PPTC7: variants seen among roughly 807,000 people sequenced by gnomAD.
PPTC7 encodes protein phosphatase targeting COQ7.
In PPTC7, 6 loss-of-function variants were observed where a neutral mutation model predicts 30.8. The observed-to-expected ratio is 0.19, with a 90% confidence interval of 0.11 to 0.38. The LOEUF (loss-of-function observed/expected upper bound fraction) is 0.38, where lower values mean the gene tolerates loss of function less well. PPTC7 is among the 10% of genes least tolerant of loss of function. The pLI, the probability that PPTC7 is intolerant of heterozygous loss-of-function variation, is 1.00. For synonymous variants in PPTC7, 163 were observed against 168.1 expected (o/e 0.97, Z 0.23); for missense variants, 218 against 404.8 (o/e 0.54, Z 3.96).
At chr12:110,573,702 C>A (rs1338505430) in intron 1 of PPTC7, among the ~76,000 whole-genome samples, 1 of 152,090 alleles carries the variant, frequency 6.6e-6, no homozygotes, top group African/African-American at 2.4e-5. Flanking sequence ...ACTACACAGG[C>A]CAGGCACGGT....
At chr12:110,582,738 G>A (rs1565931027) in intron 1 of PPTC7, 71 bp downstream of exon 1, 1 of 1,313,020 alleles carries the variant, frequency 7.6e-7, no homozygotes, top group Non-Finnish European at 1.0e-6. Flanking sequence ...AGGAACTGGG[G>A]AAGCCCCGCG....
chr12:110,583,286 G>T lies in PPTC7; in HGVS notation c.-255C>A. The T allele has an allele frequency of 5.8e-6, 1 of 171,020 alleles. No individual in the cohort carries two copies. Among genetic ancestry groups the T allele is most frequent in the South Asian group, 1.9e-4 (1 of 5,308 alleles). The allele number at this position is 171,020 out of a possible 1,614,324, so 10.6% of individuals were successfully genotyped here. On this transcript the variant is annotated 5_prime_UTR_variant, in exon 1 of 6. Transcript: ENST00000354300. Reference sequence around the variant, plus strand: ...AACTGAAGTCCCGGCTGCAGCGGCCGCCGCCGCCGCCGCCATCTTCCGCTC... The same window carrying T: ...AACTGAAGTCCCGGCTGCAGCGGCCTCCGCCGCCGCCGCCATCTTCCGCTC...
intron 1 of PPTC7, among the ~76,000 whole-genome samples, chr12:110,578,636 T>C (rs2135798805): frequency 6.6e-6 from 1 of 152,290 alleles, no homozygotes; most frequent in East Asian, 1.9e-4. Context: ...TTCATTCCAG[T>C]CAAGGAGTCC....
intron 1 of PPTC7, among the ~76,000 whole-genome samples, chr12:110,559,578 T>C (rs537222327): frequency 6.6e-6 from 1 of 151,560 alleles, no homozygotes; most frequent in African/African-American, 2.4e-5. Context: ...ATACAAAAAT[T>C]AGCTGGGTGT....
intron 5 of PPTC7, 85 bp downstream of exon 5, chr12:110,538,059 C>T: frequency 6.9e-7 from 1 of 1,446,036 alleles, no homozygotes; most frequent in Admixed American, 1.9e-5. Context: ...GACACCTCCA[C>T]AGTCTCACCC....
At chr12:110,548,750 T>C (rs1306395520) in intron 2 of PPTC7, among the ~76,000 whole-genome samples, 2 of 152,206 alleles carry the variant, frequency 1.3e-5, no homozygotes, top group African/African-American at 4.8e-5. Flanking sequence ...CCTGCGACAG[T>C]AACTCGCTGA....
rs79140709 is a variant in PPTC7 at position 110,560,778 on chromosome 12, A to C, written c.224-8810T>G. On this transcript the variant is annotated intron_variant, in intron 1 of 5. Transcript: ENST00000354300. ...AAAATGTATTTAATGTACACTCTGG[A>C]AGAATTTCAAATATTAAGTAGTATC... Among the ~76,000 whole-genome samples the C allele has an allele frequency of 6.9e-3, 1,044 of 152,350 alleles. 1 individual carries two copies. The highest frequency in any genetic ancestry group is 9.4e-3 in the Non-Finnish European group (637 of 68,026).
At chr12:110,579,739 G>A (rs966328675) in intron 1 of PPTC7, among the ~76,000 whole-genome samples, 2 of 152,110 alleles carry the variant, frequency 1.3e-5, no homozygotes, top group African/African-American at 4.8e-5. Context: ...TGGGCTGGGC[G>A]CGGTGGTTCA....
intron 1 of PPTC7, among the ~76,000 whole-genome samples, chr12:110,575,906 A>G (rs1051022176): frequency 6.6e-6 from 1 of 152,236 alleles, no homozygotes; most frequent in African/African-American, 2.4e-5. Context: ...AGGTACCTTA[A>G]TAAGTAACTT....
chr12:110,558,239 T>A (rs1211282873), intron 1 of PPTC7, among the ~76,000 whole-genome samples: 3 of 152,140 alleles, frequency 2.0e-5, no homozygotes, highest in Non-Finnish European at 4.4e-5. Flanking sequence ...GAACTATGAG[T>A]TTGCGGCTGG....
At chr12:110,564,811 GTA>G in intron 1 of PPTC7, among the ~76,000 whole-genome samples, 1 of 116,212 alleles carries the variant, frequency 8.6e-6, no homozygotes, top group East Asian at 2.0e-4. Context: ...ACACGTATAT[GTA>G]TATGTGTATA....
At chr12:110,558,855 C>T (rs2064411880) in intron 1 of PPTC7, among the ~76,000 whole-genome samples, 1 of 152,242 alleles carries the variant, frequency 6.6e-6, no homozygotes, top group Non-Finnish European at 1.5e-5. Context: ...ATCCGCCCGC[C>T]TCGGCCTCCC....
At position 110,536,921 on chromosome 12, in the gene PPTC7, T is replaced by G. The variant is rs1346001150; in HGVS notation, c.*116A>C. On this transcript the variant is annotated 3_prime_UTR_variant, in exon 6 of 6. Coordinates refer to ENST00000354300, the MANE Select transcript of PPTC7 (RefSeq NM_139283.2). The stretch of plus-strand genomic sequence containing the variant: ...GTCTCAAGAAGACAGGCAAAAGACT[T>G]ACATCACTGGCCATTGAGATCAGTG... 8.1e-6 allele frequency: 6 copies of G among 743,280 alleles called. No individual in the cohort carries two copies. Among genetic ancestry groups the G allele is most frequent in the African/African-American group, 5.2e-5 (3 of 57,150 alleles). The allele number at this position is 743,280 out of a possible 1,614,324, so 46.0% of individuals were successfully genotyped here. A position where few individuals can be genotyped will look rare whatever the true frequency, so the allele number is the denominator to read the frequency against.
At chr12:110,572,415 T>C (rs1401882191) in intron 1 of PPTC7, among the ~76,000 whole-genome samples, 1 of 152,136 alleles carries the variant, frequency 6.6e-6, no homozygotes, top group African/African-American at 2.4e-5. Context: ...CACTCCTGCC[T>C]GGGTGACAGA....
At chr12:110,552,390 A>G (rs1233269080) in intron 1 of PPTC7, among the ~76,000 whole-genome samples, 1 of 152,256 alleles carries the variant, frequency 6.6e-6, no homozygotes, top group Non-Finnish European at 1.5e-5. Context: ...AAAAGCGGCA[A>G]CCTTTTAACT....
At chr12:110,575,294 T>C (rs1339830392) in intron 1 of PPTC7, among the ~76,000 whole-genome samples, 1 of 152,094 alleles carries the variant, frequency 6.6e-6, no homozygotes, top group African/African-American at 2.4e-5. Flanking sequence ...AGAAATAAAA[T>C]ACTGCTAACT....
intron 2 of PPTC7, among the ~76,000 whole-genome samples, chr12:110,551,496 G>A (rs1486340272): frequency 6.6e-6 from 1 of 152,102 alleles, no homozygotes; most frequent in Non-Finnish European, 1.5e-5. Flanking sequence ...ACAGGCATGC[G>A]CCACCATGCC....
Position 110,545,987 on chromosome 12 carries a change from C to T in PPTC7, c.495G>A (p.Arg165=). The T allele has an allele frequency of 6.2e-7, 1 of 1,614,172 alleles. No homozygotes were observed. Among genetic ancestry groups the T allele is most frequent in the Non-Finnish European group, 8.5e-7 (1 of 1,180,032 alleles). The change falls in exon 3 of 6, where the codon AGG becomes AGA. Residue 165 remains arginine, a synonymous_variant. Transcript: ENST00000354300. ...NLGDSGFLVV[R]GGEVVHRSDE... ...CTGATCGGTGCACGACTTCACCACC[C>T]CTGACAACCAGGAAGCCTGAATCGC...
chr12:110,561,937 C>A (rs1264411646), intron 1 of PPTC7, among the ~76,000 whole-genome samples: 1 of 151,756 alleles, frequency 6.6e-6, no homozygotes, highest in Admixed American at 6.6e-5. Flanking sequence ...GCAAGACCTG[C>A]CTCAAAAAAA....
Sources: allele counts gnomAD v4.1 joint callset (sites outside exome capture counted in the v4.1 genomes callset), GRCh38; gene constraint gnomAD v4.1.1; transcripts MANE v1.5; gene names NCBI Gene and HGNC (gene_info 2026-07-23, HGNC 2026-07-21).